The following GALNT13 variants were observed in gnomAD, a reference collection of about 807,000 sequenced individuals.
GALNT13 encodes UDP-GalNAc:polypeptide N-acetylgalactosaminyltransferase 13.
In GALNT13, 28 loss-of-function variants were observed where a neutral mutation model predicts 64.2. The observed-to-expected ratio is 0.44, with a 90% CI of 0.32 to 0.60. GALNT13 has a LOEUF of 0.60. Among genes scored for constraint, GALNT13 ranks in the 20% least tolerant of loss-of-function variants. The pLI, the probability that GALNT13 is intolerant of heterozygous loss-of-function variation, is 0.05. For synonymous variants in GALNT13, 214 were observed against 224.6 expected, an observed-to-expected ratio of 0.95 and a Z score of 0.42; for missense variants, 577 against 669.8, an observed-to-expected ratio of 0.86 and a Z score of 1.53.
the GALNT13 span, among the ~76,000 whole-genome samples, chr2:153,213,674 C>A: frequency 9.9e-5 from 15 of 152,176 alleles, no homozygotes; most frequent in Non-Finnish European, 2.1e-4. Flanking sequence ...CCAGTCCCAG[C>A]TCTGTTATTA....
chr2:153,779,624 A>C, the GALNT13 span, among the ~76,000 whole-genome samples: 6 of 152,160 alleles, frequency 3.9e-5, no homozygotes, highest in Non-Finnish European at 8.8e-5. Flanking sequence ...TTAGTCCCAA[A>C]TGCATTGCTA....
At chr2:153,700,941 C>T in the GALNT13 span, among the ~76,000 whole-genome samples, 1 of 152,154 alleles carries the variant, frequency 6.6e-6, no homozygotes, top group African/African-American at 2.4e-5. Context: ...AGATTCAATG[C>T]TATTCTCATC....
chr2:154,167,175 G>A (rs1025440720), intron 4 of GALNT13, among the ~76,000 whole-genome samples: 2 of 151,974 alleles, frequency 1.3e-5, no homozygotes, highest in African/African-American at 4.8e-5. Flanking sequence ...AATAAATATT[G>A]TTAGGGCCTA....
intron 3 of GALNT13, among the ~76,000 whole-genome samples, chr2:153,952,962 C>T (rs1343639473): frequency 1.3e-5 from 2 of 152,170 alleles, no homozygotes; most frequent in Admixed American, 6.5e-5. Flanking sequence ...AGTCCTTCCA[C>T]GTTCCTCTGC....
At chr2:153,954,222 A>G (rs938277527) in intron 3 of GALNT13, among the ~76,000 whole-genome samples, 4 of 152,196 alleles carry the variant, frequency 2.6e-5, no homozygotes, top group Non-Finnish European at 5.9e-5. Context: ...ATATGGCTTC[A>G]TCTTTTGCAA....
the GALNT13 span, among the ~76,000 whole-genome samples, chr2:153,700,072 G>A: frequency 2.2e-4 from 33 of 152,228 alleles, no homozygotes; most frequent in African/African-American, 7.7e-4. Context: ...TAACCTTGAT[G>A]GATACCAACG....
At chr2:153,660,780 C>T in the GALNT13 span, among the ~76,000 whole-genome samples, 1 of 151,848 alleles carries the variant, frequency 6.6e-6, no homozygotes, top group Non-Finnish European at 1.5e-5. Context: ...ATCCTTATAG[C>T]AGAGAGAAAA....
the GALNT13 span, among the ~76,000 whole-genome samples, chr2:153,645,358 T>C: frequency 6.6e-6 from 1 of 152,154 alleles, no homozygotes; most frequent in Non-Finnish European, 1.5e-5. Flanking sequence ...GAAATAATAG[T>C]TTAGAACATA....
the GALNT13 span, among the ~76,000 whole-genome samples, chr2:153,142,700 G>A: frequency 1.7e-4 from 26 of 151,908 alleles, no homozygotes; most frequent in Non-Finnish European, 3.5e-4. Flanking sequence ...CTTTATTGTG[G>A]TGTTATGTAT....
At chr2:153,914,681 T>A (rs1689206991) in intron 2 of GALNT13, among the ~76,000 whole-genome samples, 1 of 152,174 alleles carries the variant, frequency 6.6e-6, no homozygotes, top group South Asian at 2.1e-4. Context: ...TTATCTCTTT[T>A]ACTTTCTTAT....
intron 11 of GALNT13, among the ~76,000 whole-genome samples, chr2:154,427,053 T>C (rs1700502921): frequency 6.6e-6 from 1 of 152,238 alleles, no homozygotes; most frequent in South Asian, 2.1e-4. Context: ...GTAGATTTTA[T>C]GCATGAATAT....
chr2:153,396,229 C>T, the GALNT13 span, among the ~76,000 whole-genome samples: 1 of 152,028 alleles, frequency 6.6e-6, no homozygotes, highest in African/African-American at 2.4e-5. Context: ...GTACCAGGTG[C>T]TCTGCTAGGC....
At chr2:154,282,897 C>T (rs1447613773) in intron 8 of GALNT13, among the ~76,000 whole-genome samples, 1 of 152,008 alleles carries the variant, frequency 6.6e-6, no homozygotes, top group African/African-American at 2.4e-5. Context: ...CTAGATTACA[C>T]TGTGAAGTTA....
chr2:153,254,261 T>C, the GALNT13 span, among the ~76,000 whole-genome samples: 1 of 152,284 alleles, frequency 6.6e-6, no homozygotes, highest in East Asian at 1.9e-4. Flanking sequence ...TGCGTAGAGG[T>C]ATTTGTAGTA....
the GALNT13 span, among the ~76,000 whole-genome samples, chr2:153,380,341 A>G: frequency 6.6e-6 from 1 of 152,090 alleles, no homozygotes; most frequent in African/African-American, 2.4e-5. Flanking sequence ...GGGCATGGTG[A>G]TGCATGCTTG....
intron 10 of GALNT13, among the ~76,000 whole-genome samples, chr2:154,398,962 A>G (rs1396262589): frequency 6.6e-6 from 1 of 152,188 alleles, no homozygotes; most frequent in Non-Finnish European, 1.5e-5. Context: ...GACACACAGA[A>G]AGTTTATGTG....
intron 9 of GALNT13, among the ~76,000 whole-genome samples, chr2:154,389,019 A>G (rs2105347522): frequency 6.6e-6 from 1 of 152,338 alleles, no homozygotes; most frequent in South Asian, 2.1e-4. Context: ...ATGTGGCTTA[A>G]CATTTTTCCA....
At chr2:154,139,948 A>G (rs941728224) in intron 3 of GALNT13, among the ~76,000 whole-genome samples, 3 of 152,088 alleles carry the variant, frequency 2.0e-5, no homozygotes, top group Admixed American at 1.3e-4. Flanking sequence ...CAAAACATTT[A>G]ATTGGATGTG....
At chr2:154,432,783 C>T (rs1479960694) in intron 11 of GALNT13, among the ~76,000 whole-genome samples, 1 of 152,184 alleles carries the variant, frequency 6.6e-6, no homozygotes, top group Non-Finnish European at 1.5e-5. Flanking sequence ...GCCCATCTTA[C>T]TCCAGTATGA....
Sources: allele counts gnomAD v4.1 joint callset (sites outside exome capture counted in the v4.1 genomes callset), GRCh38; gene constraint gnomAD v4.1.1; transcripts MANE v1.5; gene names NCBI Gene and HGNC (gene_info 2026-07-23, HGNC 2026-07-21).